MRPL19: variants seen among roughly 807,000 people sequenced by gnomAD.
MRPL19 encodes large ribosomal subunit protein bL19m.
A neutral mutation model predicts 34.0 loss-of-function variants in MRPL19; 31 were observed. The observed-to-expected ratio is 0.91, with a 90% CI of 0.68 to 1.23. The LOEUF (loss-of-function observed/expected upper bound fraction) is 1.23. Ranked by LOEUF, MRPL19 falls within the 50% of genes most tolerant of loss-of-function variation. MRPL19 has a pLI of 0.00. For synonymous variants in MRPL19, 152 were observed against 127.7 expected, an observed-to-expected ratio of 1.19 and a Z score of -1.28; for missense variants, 384 against 367.6, an observed-to-expected ratio of 1.04 and a Z score of -0.37.
At chr2:75,647,306 G>C in intron 2 of MRPL19, 87 bp downstream of exon 2, 1 of 1,263,408 alleles carries the variant, frequency 7.9e-7, no homozygotes, top group African/African-American at 1.5e-5. Context: ...CTCTAAGGTG[G>C]GGGCTGCACC....
chr2:75,655,369 AG>A lies in MRPL19; in HGVS notation c.*85del. ...TGAGACCAATTTAATTTCATTTATAAGAACATAGTAATTAAGTGAACTAAGC... is the reference window on the plus strand; with the variant it reads ...TGAGACCAATTTAATTTCATTTATAAAACATAGTAATTAAGTGAACTAAGC... On this transcript the variant is annotated 3_prime_UTR_variant, in exon 6 of 6. Transcript: ENST00000393909. 4.0e-6 allele frequency: 4 copies of A among 1,001,482 alleles called. No homozygotes were observed. Among genetic ancestry groups the A allele is most frequent in the African/African-American group, 1.6e-5 (1 of 61,140 alleles). The allele number at this position is 1,001,482 out of a possible 1,614,324, so 62.0% of individuals were successfully genotyped here.
In MRPL19 at chr2:75,658,259, CTA is replaced by C. The variant is rs1678509450; in HGVS notation, c.*2976_*2977del. On this transcript the variant is annotated 3_prime_UTR_variant, in exon 6 of 6. Coordinates refer to ENST00000393909, the MANE Select transcript of MRPL19 (RefSeq NM_014763.4). ...TGTTTTTTGTAGAGATGTGGTCTTGCTATGTTTCCCATGCTGGTCTTGAGTTC... is the reference window on the plus strand; with the variant it reads ...TGTTTTTTGTAGAGATGTGGTCTTGCTGTTTCCCATGCTGGTCTTGAGTTC... 1.3e-5 allele frequency among the ~76,000 whole-genome samples: 2 copies of C among 152,172 alleles called. No homozygotes were observed. The highest frequency in any genetic ancestry group is 2.4e-5 in the African/African-American group (1 of 41,528).
At chr2:75,648,517 A>G (rs1678265585) in intron 2 of MRPL19, among the ~76,000 whole-genome samples, 1 of 152,196 alleles carries the variant, frequency 6.6e-6, no homozygotes, top group African/African-American at 2.4e-5. Context: ...CTGTGTGTAA[A>G]AAAAACCTTT....
chr2:75,647,857 AT>A (rs1286513167), intron 2 of MRPL19, among the ~76,000 whole-genome samples: 1 of 151,988 alleles, frequency 6.6e-6, no homozygotes, highest in East Asian at 1.9e-4. Context: ...TAGATTATTG[AT>A]TGGATTACTT....
chr2:75,647,046 C>T, intron 1 of MRPL19, 56 bp from the exon 2 acceptor site: 2 of 1,514,996 alleles, frequency 1.3e-6, no homozygotes, highest in Non-Finnish European at 1.8e-6. Flanking sequence ...TTGCGGGGCT[C>T]TGCGGGATCT....
In MRPL19 at chr2:75,656,952, T is replaced by C. The variant is rs1257618027; in HGVS notation, c.*1667T>C. 2 of 152,176 alleles carry C rather than the reference T, an allele frequency of 1.3e-5. No homozygotes were observed. The highest frequency in any genetic ancestry group is 1.5e-5 in the Non-Finnish European group (1 of 68,016). 9.4% of individuals were successfully genotyped at this position (152,176 alleles called of 1,614,324 possible). ...TCTGTTTTTTAGCTCTTTAGCTCAA[T>C]CTTCCAACTCTTTGCTATTGTATTT... On this transcript the variant is annotated 3_prime_UTR_variant, in exon 6 of 6. Transcript: ENST00000393909.
chr2:75,648,269 T>C (rs1253268841), intron 2 of MRPL19, among the ~76,000 whole-genome samples: 1 of 152,146 alleles, frequency 6.6e-6, no homozygotes, highest in Non-Finnish European at 1.5e-5. Context: ...ATTTACTAAG[T>C]TTAAGTTGTG....
intron 2 of MRPL19, 86 bp downstream of exon 2, chr2:75,647,305 G>GCAGCCCCCACCTTAGA: frequency 1.5e-6 from 2 of 1,307,170 alleles, no homozygotes; most frequent in Non-Finnish European, 2.1e-6. Context: ...GCTCTAAGGT[G>GCAGCCCCCACCTTAGA]GGGGCTGCAC....
chr2:75,654,396 T>C (rs907037184), intron 4 of MRPL19, among the ~76,000 whole-genome samples: 43 of 152,164 alleles, frequency 2.8e-4, no homozygotes, highest in African/African-American at 1.0e-3. Flanking sequence ...CTTCAAGTAA[T>C]TGGGAGATAA....
At chr2:75,648,802 G>A (rs762352085) in intron 2 of MRPL19, among the ~76,000 whole-genome samples, 10 of 152,116 alleles carry the variant, frequency 6.6e-5, no homozygotes, top group Non-Finnish European at 8.8e-5. Context: ...ACAGGATGCC[G>A]AGGTTGCAGT....
intron 2 of MRPL19, among the ~76,000 whole-genome samples, chr2:75,649,885 G>A (rs1367497759): frequency 2.6e-5 from 4 of 152,032 alleles, no homozygotes; most frequent in Admixed American, 1.3e-4. Flanking sequence ...TACCCTCCTC[G>A]GCCTCCCAAG....
In MRPL19 at chr2:75,659,284, C is replaced by G. The variant is rs1678545391; in HGVS notation, c.*3999C>G. Among the ~76,000 whole-genome samples the G allele has an allele frequency of 6.6e-6, 1 of 152,104 alleles. No homozygotes were observed. Among genetic ancestry groups the G allele is most frequent in the African/African-American group, 2.4e-5 (1 of 41,434 alleles). ...TCAATAGCATACAAAATCTCTACTC[C>G]TGTAAAGCTCTGCCCCTGCCCCCCT... On this transcript the variant is annotated 3_prime_UTR_variant, in exon 6 of 6. Transcript: ENST00000393909.
rs538224627 is a variant in MRPL19 at position 75,661,306 on chromosome 2, T to C, written c.*6021T>C. The C allele has an allele frequency of 6.6e-6, 1 of 152,308 alleles. No individual in the cohort carries two copies. Among genetic ancestry groups the C allele is most frequent in the African/African-American group, 2.4e-5 (1 of 41,562 alleles). The allele number at this position is 152,308 out of a possible 1,614,324, so 9.4% of individuals were successfully genotyped here. A position where few individuals can be genotyped will look rare whatever the true frequency, so the allele number is the denominator to read the frequency against. ...TTCAGAGTTCTGATAAAATTGGCTATGCCTGTTCCTGCTTTAAAAAATATA... is the reference window on the plus strand; with the variant it reads ...TTCAGAGTTCTGATAAAATTGGCTACGCCTGTTCCTGCTTTAAAAAATATA... On this transcript the variant is annotated 3_prime_UTR_variant, in exon 6 of 6. Coordinates refer to ENST00000393909, the MANE Select transcript of MRPL19 (RefSeq NM_014763.4).
rs893253841 is a variant in MRPL19, at chr2:75,661,159, T to G, written c.*5874T>G. On this transcript the variant is annotated 3_prime_UTR_variant, in exon 6 of 6. Transcript: ENST00000393909. The stretch of plus-strand genomic sequence containing the variant: ...ATGCAGTTGCTGATTTCAAGACTGC[T>G]GCAACACCAGGGAGCTTGTGGGGGA... 2 of 152,194 alleles carry G rather than the reference T, an allele frequency of 1.3e-5. No homozygotes were observed. Among genetic ancestry groups the G allele is most frequent in the Admixed American group, 1.3e-4 (2 of 15,274 alleles). 9.4% of individuals were successfully genotyped at this position (152,194 alleles called of 1,614,324 possible).
chr2:75,649,776 C>T (rs1678294990), intron 2 of MRPL19, among the ~76,000 whole-genome samples: 1 of 152,042 alleles, frequency 6.6e-6, no homozygotes, highest in African/African-American at 2.4e-5. Flanking sequence ...ACTACAGGTG[C>T]CCGCCACCAT....
Position 75,659,034 on chromosome 2 carries a change from C to CT in MRPL19, c.*3752dup, listed in dbSNP as rs1678536489. 6.6e-6 allele frequency among the ~76,000 whole-genome samples: 1 copy of CT among 151,986 alleles called. No homozygotes were observed. The highest frequency in any genetic ancestry group is 6.6e-5 in the Admixed American group (1 of 15,258). The stretch of plus-strand genomic sequence containing the variant: ...TGCATTTAAAGTAATTAAGGAAGGA[C>CT]TTTCTTCTACCATTTAACACTTCTT... On this transcript the variant is annotated 3_prime_UTR_variant, in exon 6 of 6. Coordinates refer to ENST00000393909, the MANE Select transcript of MRPL19 (RefSeq NM_014763.4).
At chr2:75,650,789 G>A (rs1325143790) in intron 2 of MRPL19, among the ~76,000 whole-genome samples, 3 of 152,182 alleles carry the variant, frequency 2.0e-5, no homozygotes, top group African/African-American at 7.2e-5. Flanking sequence ...GGAGCGAAGA[G>A]CACTATGAAG....
Position 75,654,896 on chromosome 2 carries a change from C to T in MRPL19, c.636C>T (p.Asn212=). The part of the protein sequence containing the change: ...VNMKPVVQEP[N]QKVPVNELKV... ...TGAAGCCAGTAGTACAAGAGCCTAA[C>T]CAAAAAGTTCCTGTTAATGAGGTAT... The change falls in exon 5 of 6, where the codon AAC becomes AAT. Residue 212 remains asparagine, a synonymous_variant. Coordinates refer to ENST00000393909, the MANE Select transcript of MRPL19 (RefSeq NM_014763.4). 1.9e-6 allele frequency: 3 copies of T among 1,613,036 alleles called. No individual in the cohort carries two copies. Among genetic ancestry groups the T allele is most frequent in the East Asian group, 2.2e-5 (1 of 44,840 alleles).
rs57217105 is a variant in MRPL19, at chr2:75,650,406, A to C, written c.222-1736A>C. ...TGAGGTAAACAGGCAGGGTCTAATC[A>C]TTCTCTTTTTACAGAGGGAGAACCA... On this transcript the variant is annotated intron_variant, in intron 2 of 5. Coordinates refer to ENST00000393909, the MANE Select transcript of MRPL19 (RefSeq NM_014763.4). 7.0e-3 allele frequency among the ~76,000 whole-genome samples: 1,066 copies of C among 152,306 alleles called. 8 individuals are homozygous for C. Among genetic ancestry groups the C allele is most frequent in the African/African-American group, 0.025 (1,019 of 41,560 alleles).
Sources: allele counts gnomAD v4.1 joint callset (sites outside exome capture counted in the v4.1 genomes callset), GRCh38; gene constraint gnomAD v4.1.1; transcripts MANE v1.5; gene names NCBI Gene and HGNC (gene_info 2026-07-23, HGNC 2026-07-21).